Variants in ROBO1 observed in about 807,000 individuals in gnomAD.
ROBO1 encodes roundabout guidance receptor 1, also known as roundabout homolog 1.
A neutral mutation model predicts 195.9 loss-of-function variants in ROBO1; 149 were observed. The ratio of observed to expected loss-of-function variants is 0.76; its 90% CI spans 0.67 to 0.87. The LOEUF (loss-of-function observed/expected upper bound fraction) is 0.87, where lower values mean the gene tolerates loss of function less well. Among genes scored for constraint, ROBO1 ranks in the 40% least tolerant of loss-of-function variants. The pLI is 0.00. For missense variants in ROBO1, 1,933 were observed against 2,068.3 expected (o/e 0.93, Z 1.27); for synonymous variants, 816 against 733.2 (o/e 1.11, Z -1.82).
chr3:79,701,499 G>C (rs1183033340), intron 1 of ROBO1, among the ~76,000 whole-genome samples: 1 of 151,566 alleles, frequency 6.6e-6, no homozygotes, highest in Admixed American at 6.6e-5. Flanking sequence ...CTGTAGAACA[G>C]AGCCAACTAA....
intron 2 of ROBO1, among the ~76,000 whole-genome samples, chr3:79,488,754 AGG>A (rs963051482): frequency 6.6e-6 from 1 of 152,200 alleles, no homozygotes; most frequent in Non-Finnish European, 1.5e-5. Context: ...ACTGCAAGTT[AGG>A]AAAAAAGCAA....
At chr3:79,085,246 A>G (rs182116183) in intron 3 of ROBO1, among the ~76,000 whole-genome samples, 130 of 152,334 alleles carry the variant, frequency 8.5e-4, no homozygotes, top group African/African-American at 3.0e-3. Flanking sequence ...TTGAGGGCTT[A>G]GAATTAAACA....
In ROBO1 at chr3:79,087,344, G is replaced by A. The variant is rs73848830; in HGVS notation, c.172+38112C>T. Among the ~76,000 whole-genome samples the A allele has an allele frequency of 5.8e-3, 889 of 152,054 alleles. 8 individuals are homozygous for A. The highest frequency in any genetic ancestry group is 0.02 in the African/African-American group (843 of 41,488). ...TAGCACTGTTTCTAGATTATTTCCCGTTCATTATTTCAAAATTGTTAAAAT... is the reference window on the plus strand; with the variant it reads ...TAGCACTGTTTCTAGATTATTTCCCATTCATTATTTCAAAATTGTTAAAAT... On this transcript the variant is annotated intron_variant, in intron 3 of 30. Transcript: ENST00000464233.
chr3:79,501,369 C>T (rs1208457604), intron 2 of ROBO1, among the ~76,000 whole-genome samples: 1 of 152,152 alleles, frequency 6.6e-6, no homozygotes, highest in African/African-American at 2.4e-5. Context: ...TGCTTTTCAT[C>T]TTTCAGAACA....
intron 26 of ROBO1, among the ~76,000 whole-genome samples, chr3:78,627,094 A>AATAG (rs1704844695): frequency 6.6e-6 from 1 of 152,204 alleles, no homozygotes; most frequent in Admixed American, 6.5e-5. Flanking sequence ...GTGGGTGAGT[A>AATAG]TTAATACACA....
chr3:78,734,248 A>T (rs888425100), intron 5 of ROBO1, among the ~76,000 whole-genome samples: 2 of 152,106 alleles, frequency 1.3e-5, no homozygotes, highest in South Asian at 4.1e-4. Flanking sequence ...ATGTCATCTA[A>T]TGTTACTTTG....
chr3:78,986,965 C>T (rs2077120817), intron 3 of ROBO1, among the ~76,000 whole-genome samples: 1 of 152,092 alleles, frequency 6.6e-6, no homozygotes, highest in Admixed American at 6.6e-5. Flanking sequence ...AGTCTGAGTA[C>T]TTATTATCTC....
At chr3:79,182,636 G>T (rs2081361169) in intron 2 of ROBO1, among the ~76,000 whole-genome samples, 1 of 152,006 alleles carries the variant, frequency 6.6e-6, no homozygotes, top group Admixed American at 6.5e-5. Flanking sequence ...GTAAGTTTAG[G>T]GGTGTAAAGG....
intron 2 of ROBO1, among the ~76,000 whole-genome samples, chr3:79,225,116 G>A (rs960467598): frequency 6.6e-6 from 1 of 151,732 alleles, no homozygotes; most frequent in East Asian, 1.9e-4. Flanking sequence ...GGCCTTTTAT[G>A]GTATTTTTTT....
chr3:78,820,240 T>C (rs962134498), intron 4 of ROBO1, among the ~76,000 whole-genome samples: 4 of 152,346 alleles, frequency 2.6e-5, no homozygotes, highest in Admixed American at 6.5e-5. Flanking sequence ...ACTGTTGTTT[T>C]TGATGGTTTT....
intron 2 of ROBO1, among the ~76,000 whole-genome samples, chr3:79,492,764 G>C (rs1218259101): frequency 6.6e-6 from 1 of 152,006 alleles, no homozygotes. Flanking sequence ...ATTTGTATGA[G>C]ATCCACAACT....
intron 4 of ROBO1, among the ~76,000 whole-genome samples, chr3:78,933,652 A>C (rs2039651865): frequency 6.6e-6 from 1 of 152,100 alleles, no homozygotes; most frequent in Admixed American, 6.5e-5. Flanking sequence ...ATTGTTATGC[A>C]AGGCAATGAC....
intron 1 of ROBO1, among the ~76,000 whole-genome samples, chr3:79,678,293 CTA>C (rs151162183): frequency 0.1 from 15,158 of 149,890 alleles, 880 homozygotes; most frequent in Non-Finnish European, 0.14. Context: ...ATATAAATCA[CTA>C]TATATATATA....
intron 2 of ROBO1, among the ~76,000 whole-genome samples, chr3:79,354,705 C>G (rs1230839188): frequency 6.6e-6 from 1 of 152,168 alleles, no homozygotes; most frequent in South Asian, 2.1e-4. Context: ...ACATTTGCCA[C>G]AATCTACAAG....
chr3:78,794,041 A>C (rs1369966841), intron 4 of ROBO1, among the ~76,000 whole-genome samples: 1 of 152,108 alleles, frequency 6.6e-6, no homozygotes, highest in East Asian at 1.9e-4. Context: ...AAATCATTTC[A>C]TATCATCAAA....
At chr3:78,941,597 T>C (rs2040146983) in intron 3 of ROBO1, among the ~76,000 whole-genome samples, 1 of 152,158 alleles carries the variant, frequency 6.6e-6, no homozygotes, top group African/African-American at 2.4e-5. Context: ...GAAGATTGCC[T>C]GAGCAAGTCA....
At chr3:78,741,978 C>A (rs1320806671) in intron 5 of ROBO1, among the ~76,000 whole-genome samples, 1 of 151,986 alleles carries the variant, frequency 6.6e-6, no homozygotes, top group South Asian at 2.1e-4. Context: ...TTATAATCAT[C>A]CAGGATCTAA....
intron 2 of ROBO1, among the ~76,000 whole-genome samples, chr3:79,455,861 G>A (rs1031679303): frequency 3.9e-5 from 6 of 152,086 alleles, no homozygotes; most frequent in African/African-American, 7.2e-5. Flanking sequence ...TACCGAATAC[G>A]AAACATGACA....
chr3:78,788,159 A>G (rs1023096071), intron 4 of ROBO1, among the ~76,000 whole-genome samples: 1 of 150,348 alleles, frequency 6.7e-6, no homozygotes, highest in African/African-American at 2.5e-5. Context: ...TCTGTCGCCC[A>G]GGCTGGAGTG....
Sources: allele counts gnomAD v4.1 joint callset (sites outside exome capture counted in the v4.1 genomes callset), GRCh38; gene constraint gnomAD v4.1.1; transcripts MANE v1.5; gene names NCBI Gene and HGNC (gene_info 2026-07-23, HGNC 2026-07-21).